TRAPPC9: variants seen among roughly 807,000 people sequenced by gnomAD.
The protein encoded by TRAPPC9 is trafficking protein particle complex subunit 9.
TRAPPC9 carries 83 observed loss-of-function variants against 124.0 expected under a neutral mutation model. The ratio of observed to expected loss-of-function variants is 0.67; its 90% CI spans 0.56 to 0.80. The LOEUF (loss-of-function observed/expected upper bound fraction) is 0.80, where lower values mean the gene tolerates loss of function less well. Among genes scored for constraint, TRAPPC9 ranks in the 30% least tolerant of loss-of-function variants. The probability of loss-of-function intolerance (pLI) is 0.00; values close to 1 mark genes in which losing one functional copy is unlikely to be tolerated. For missense variants in TRAPPC9, 1,302 were observed against 1,508.3 expected (o/e 0.86, Z 2.27); for synonymous variants, 638 against 617.5 (o/e 1.03, Z -0.49).
chr8:139,733,990 G>C (rs556232832), intron 21 of TRAPPC9, among the ~76,000 whole-genome samples: 5 of 152,360 alleles, frequency 3.3e-5, no homozygotes, highest in African/African-American at 1.2e-4. Flanking sequence ...CTCACACGCA[G>C]GTGAGGAGGA....
intron 21 of TRAPPC9, among the ~76,000 whole-genome samples, chr8:139,871,155 A>T (rs2131032174): frequency 6.6e-6 from 1 of 152,270 alleles, no homozygotes; most frequent in South Asian, 2.1e-4. Context: ...GCTTCTCAAT[A>T]AAGGTAGTTA....
chr8:139,953,981 G>T (rs1193957151), intron 19 of TRAPPC9, among the ~76,000 whole-genome samples: 2 of 152,178 alleles, frequency 1.3e-5, no homozygotes, highest in Non-Finnish European at 1.5e-5. Flanking sequence ...GAACAGTGTG[G>T]ACAGACCTCA....
chr8:139,877,459 G>C (rs528798215), intron 21 of TRAPPC9, among the ~76,000 whole-genome samples: 1 of 152,196 alleles, frequency 6.6e-6, no homozygotes, highest in African/African-American at 2.4e-5. Context: ...ACTGTTCATG[G>C]GCTGAGACGG....
chr8:140,444,655 G>A lies in TRAPPC9; in HGVS notation c.585-5458C>T, dbSNP rs532857183. ...GCAGGAGGATCACCTGAGGTCAGGC[G>A]TTCAAGACCAGCCTAGCCAACATGG... On this transcript the variant is annotated intron_variant, in intron 2 of 22. Coordinates refer to ENST00000438773, the MANE Select transcript of TRAPPC9 (RefSeq NM_001160372.4). Among the ~76,000 whole-genome samples, 24 of 152,084 alleles carry A rather than the reference G, an allele frequency of 1.6e-4. 1 individual carries two copies. Among genetic ancestry groups the A allele is most frequent in the Admixed American group, 1.4e-3 (21 of 15,270 alleles).
chr8:140,060,400 C>A (rs1451843989), intron 17 of TRAPPC9, among the ~76,000 whole-genome samples: 2 of 152,186 alleles, frequency 1.3e-5, no homozygotes, highest in Non-Finnish European at 2.9e-5. Context: ...CTTGTGGTGA[C>A]CCCCAGAAGA....
chr8:140,245,910 G>T (rs1018877699), intron 16 of TRAPPC9, among the ~76,000 whole-genome samples: 1 of 152,100 alleles, frequency 6.6e-6, no homozygotes. Flanking sequence ...TAATCTATTA[G>T]GGATGGCAAA....
intron 21 of TRAPPC9, among the ~76,000 whole-genome samples, chr8:139,845,936 G>A (rs1463700481): frequency 6.6e-6 from 1 of 152,242 alleles, no homozygotes; most frequent in Non-Finnish European, 1.5e-5. Context: ...GGGTCAGAGC[G>A]GTGGAGGAGA....
intron 21 of TRAPPC9, among the ~76,000 whole-genome samples, chr8:139,866,558 A>T (rs776240486): frequency 9.2e-5 from 14 of 152,112 alleles, no homozygotes; most frequent in Admixed American, 6.5e-4. Context: ...TGGGATGGAG[A>T]TGGCAGATTG....
chr8:140,368,941 G>A (rs1000742511), intron 8 of TRAPPC9, among the ~76,000 whole-genome samples: 2 of 152,148 alleles, frequency 1.3e-5, no homozygotes, highest in South Asian at 2.1e-4. Context: ...CAGGGATTTC[G>A]CAAAGTATAG....
chr8:140,205,741 C>T (rs542189663), intron 17 of TRAPPC9, among the ~76,000 whole-genome samples: 14 of 152,330 alleles, frequency 9.2e-5, no homozygotes, highest in African/African-American at 2.6e-4. Flanking sequence ...CAACCTAATT[C>T]GAATGTGGGC....
intron 21 of TRAPPC9, among the ~76,000 whole-genome samples, chr8:139,839,766 C>T (rs961507634): frequency 1.4e-4 from 22 of 152,192 alleles, no homozygotes; most frequent in African/African-American, 4.6e-4. Flanking sequence ...AAGAATGTTC[C>T]AGGGTGAGCA....
Position 140,043,937 on chromosome 8 carries a change from T to C in TRAPPC9, c.2557-19858A>G, listed in dbSNP as rs149119757. Among the ~76,000 whole-genome samples, 915 of 152,248 alleles carry C rather than the reference T, an allele frequency of 6.0e-3. 9 individuals are homozygous for C. The highest frequency in any genetic ancestry group is 0.021 in the African/African-American group (871 of 41,538). On this transcript the variant is annotated intron_variant, in intron 17 of 22. Transcript: ENST00000438773. ...CCCATGACTGCCTGGGTACAAGGAA[T>C]TCTACCATGAGGCCTGCCTACAGCC...
chr8:140,059,639 C>T (rs1049921544), intron 17 of TRAPPC9, among the ~76,000 whole-genome samples: 4 of 152,302 alleles, frequency 2.6e-5, no homozygotes, highest in South Asian at 2.1e-4. Flanking sequence ...AGTGTCTAAT[C>T]GTGGTTTTGA....
chr8:140,060,540 A>C (rs1842540636), intron 17 of TRAPPC9, among the ~76,000 whole-genome samples: 3 of 151,058 alleles, frequency 2.0e-5, no homozygotes, highest in Admixed American at 6.6e-5. Context: ...GCCATTCCCC[A>C]TCCCTACCCA....
At chr8:139,935,669 C>CTTTTTTTTT (rs377706417) in intron 19 of TRAPPC9, among the ~76,000 whole-genome samples, 2 of 132,566 alleles carry the variant, frequency 1.5e-5, no homozygotes, top group African/African-American at 2.8e-5. Context: ...TCAGTCTTTG[C>CTTTTTTTTT]TTTTTTTTTT....
At chr8:140,190,431 TTG>T (rs2062464955) in intron 17 of TRAPPC9, among the ~76,000 whole-genome samples, 1 of 152,058 alleles carries the variant, frequency 6.6e-6, no homozygotes, top group Admixed American at 6.5e-5. Context: ...GTACTCCAAC[TTG>T]GGCGACAGAG....
In TRAPPC9 at chr8:140,347,967, A is replaced by G. The variant is rs576264925; in HGVS notation, c.1495+12083T>C. Among the ~76,000 whole-genome samples, 3 of 152,350 alleles carry G rather than the reference A, an allele frequency of 2.0e-5. No homozygotes were observed. In the East Asian group the frequency reaches 5.8e-4, roughly 29 times the overall value. ...TTTTCCTTCAAAGAAACATAAACAT[A>G]TATCATCACCCCACCACCAGGGACC... On this transcript the variant is annotated intron_variant, in intron 9 of 22. Transcript: ENST00000438773.
intron 21 of TRAPPC9, among the ~76,000 whole-genome samples, chr8:139,797,917 G>T (rs975427770): frequency 1.3e-5 from 2 of 152,172 alleles, no homozygotes; most frequent in African/African-American, 4.8e-5. Context: ...AGTAACTTTT[G>T]AAATTGGGAA....
At chr8:140,229,251 CTTTTTTTT>C (rs528175891) in intron 16 of TRAPPC9, among the ~76,000 whole-genome samples, 67,388 of 105,734 alleles carry the variant, frequency 0.64, 19,618 homozygotes, top group Admixed American at 0.74. Context: ...TTTTCTTTTT[CTTTTTTTT>C]TTTTTTTTTT....
Sources: allele counts gnomAD v4.1 joint callset (sites outside exome capture counted in the v4.1 genomes callset), GRCh38; gene constraint gnomAD v4.1.1; transcripts MANE v1.5; gene names NCBI Gene and HGNC (gene_info 2026-07-23, HGNC 2026-07-21).